Variants in ACTL7A observed in about 807,000 individuals in gnomAD.
ACTL7A encodes actin like 7A.
ACTL7A carries 27 observed loss-of-function variants against 30.3 expected under a neutral mutation model. The ratio of observed to expected loss-of-function variants is 0.89; its 90% CI spans 0.66 to 1.23. ACTL7A has a LOEUF of 1.23. ACTL7A is among the 50% of genes most tolerant of loss of function. ACTL7A has a pLI of 0.00. For synonymous variants in ACTL7A, 259 were observed against 241.4 expected, an observed-to-expected ratio of 1.07 and a Z score of -0.67; for missense variants, 566 against 571.8, an observed-to-expected ratio of 0.99 and a Z score of 0.10.
rs754567359 is a variant in ACTL7A, at chr9:108,862,769, C to G, written c.447C>G (p.Ile149Met). 1 of 1,614,080 alleles carries G rather than the reference C, an allele frequency of 6.2e-7. No homozygotes were observed. Among genetic ancestry groups the G allele is most frequent in the Non-Finnish European group, 8.5e-7 (1 of 1,180,050 alleles). Residue 149 changes from isoleucine (I) to methionine (M), a missense_variant, in exon 1 of 1, where the codon ATC becomes ATG. Physicochemically the swap from Ile to Met is conservative, Grantham distance 10. Coordinates refer to ENST00000333999, the MANE Select transcript of ACTL7A (RefSeq NM_006687.4). ...IIVDWDTVQD[I>M]WEYLFRQEMK... ...TGGACTGGGATACAGTGCAGGATAT[C>G]TGGGAATATCTCTTCCGACAAGAGA...
rs1827172729 is a variant in ACTL7A at position 108,862,299 on chromosome 9, AAG to A, written c.-21_-20del. 6.3e-7 allele frequency: 1 copy of A among 1,575,664 alleles called. No individual in the cohort carries two copies. The highest frequency in any genetic ancestry group is 1.4e-5 in the African/African-American group (1 of 73,264). On this transcript the variant is annotated 5_prime_UTR_variant, in exon 1 of 1. Transcript: ENST00000333999. ...AATCCAGTGGGATTGAGAACTTTCT[AAG>A]AGTGGTGCGGCTCTTGACAACATGT...
chr9:108,863,142 G>A lies in ACTL7A; in HGVS notation c.820G>A (p.Asp274Asn), dbSNP rs917330253. 1.2e-6 allele frequency: 2 copies of A among 1,614,032 alleles called. No individual in the cohort carries two copies. The highest frequency in any genetic ancestry group is 1.3e-5 in the African/African-American group (1 of 74,896). The change falls in exon 1 of 1, where the codon GAC (aspartate) becomes AAC (asparagine). Residue 274 changes from aspartate to asparagine, a missense_variant. Coordinates refer to ENST00000333999, the MANE Select transcript of ACTL7A (RefSeq NM_006687.4). The stretch of plus-strand genomic sequence containing the variant: ...CCAGGACCAGATGGGCATCGTGGAG[G>A]ACATCAAGAAGAAATGCTGCTTTGT... ...FTQDQMGIVE[D>N]IKKKCCFVAL...
In ACTL7A at chr9:108,862,758, G is replaced by C; in HGVS notation, c.436G>C (p.Val146Leu). The change falls in exon 1 of 1, where the codon GTG becomes CTG. Residue 146 changes from valine to leucine, a missense_variant. By Grantham distance (32) the Val-to-Leu change is conservative. Transcript: ENST00000333999. ...TGGCATCATCGTGGACTGGGATACA[G>C]TGCAGGATATCTGGGAATATCTCTT... ...RHGIIVDWDT[V>L]QDIWEYLFRQ... 1.2e-6 allele frequency: 2 copies of C among 1,614,210 alleles called. No individual in the cohort carries two copies. Among genetic ancestry groups the C allele is most frequent in the Admixed American group, 1.7e-5 (1 of 60,030 alleles).
chr9:108,862,518 CAGG>C lies in ACTL7A; in HGVS notation c.200_202del (p.Glu67del), dbSNP rs774482450. On this transcript the variant is annotated inframe_deletion, in exon 1 of 1. Transcript: ENST00000333999. Reference sequence around the variant, plus strand: ...AAAGGCAGCCAAGGAGAGGCCCAAGCAGGAGGTGACCAAAGCAGTGGTCGTGGA... The same window carrying C: ...AAAGGCAGCCAAGGAGAGGCCCAAGCAGGTGACCAAAGCAGTGGTCGTGGA... 6.1e-5 allele frequency: 99 copies of C among 1,614,160 alleles called. 1 individual carries two copies. In the South Asian group the frequency reaches 7.9e-4, roughly 13 times the overall value.
chr9:108,862,547 C>G lies in ACTL7A; in HGVS notation c.225C>G (p.Asp75Glu). Reference sequence around the variant, plus strand: ...AGGTGACCAAAGCAGTGGTCGTGGACCTGGGCACTGGCTACTGTAAATGTG... The same window carrying G: ...AGGTGACCAAAGCAGTGGTCGTGGAGCTGGGCACTGGCTACTGTAAATGTG... ...KQEVTKAVVV[D>E]LGTGYCKCGF... Residue 75 changes from aspartate (D) to glutamate (E), a missense_variant, in exon 1 of 1, where the codon GAC becomes GAG. By Grantham distance (45) the Asp-to-Glu change is conservative (BLOSUM62 2). Transcript: ENST00000333999. The G allele has an allele frequency of 6.2e-7, 1 of 1,614,150 alleles. No individual in the cohort carries two copies. Among genetic ancestry groups the G allele is most frequent in the Non-Finnish European group, 8.5e-7 (1 of 1,180,028 alleles).
In ACTL7A at chr9:108,863,689, T is replaced by C; in HGVS notation, c.*59T>C. The C allele has an allele frequency of 3.4e-6, 5 of 1,490,652 alleles. No individual in the cohort carries two copies. The highest frequency in any genetic ancestry group is 4.5e-6 in the Non-Finnish European group (5 of 1,101,982). The allele number at this position is 1,490,652 out of a possible 1,614,324, so 92.3% of individuals were successfully genotyped here. On this transcript the variant is annotated 3_prime_UTR_variant, in exon 1 of 1. Transcript: ENST00000333999. ...CCTACCCTCGACAGGGTGAGCGCACTCCTACACACAGGGGGTGGAGCCGGC... is the reference window on the plus strand; with the variant it reads ...CCTACCCTCGACAGGGTGAGCGCACCCCTACACACAGGGGGTGGAGCCGGC...
rs747753886 is a variant in ACTL7A, at chr9:108,863,068, T to A, written c.746T>A (p.Leu249Gln). The A allele has an allele frequency of 6.2e-6, 10 of 1,614,180 alleles. No homozygotes were observed. The South Asian group carries it at 9.9e-5, about 16-fold the overall frequency. The change falls in exon 1 of 1, where the codon CTG becomes CAG. Residue 249 changes from leucine (L) to glutamine (Q), a missense_variant. By Grantham distance (113) the Leu-to-Gln change is moderately radical. Transcript: ENST00000333999. ...TGRLDYAGSD[L>Q]TAYLLGLLNS... ...AGGCTGGACTACGCGGGCTCTGACC[T>A]GACAGCCTACCTGCTGGGCCTGCTG... is the stretch of plus-strand genomic sequence containing the variant.
Position 108,863,440 on chromosome 9 carries a change from G to C in ACTL7A, c.1118G>C (p.Arg373Pro). 6.2e-7 allele frequency: 1 copy of C among 1,614,164 alleles called. No homozygotes were observed. The highest frequency in any genetic ancestry group is 8.5e-7 in the Non-Finnish European group (1 of 1,180,028). Residue 373 changes from arginine (R) to proline (P), a missense_variant, in exon 1 of 1, where the codon CGT becomes CCT. Transcript: ENST00000333999. ...GSTMLSGFPN[R>P]LQKELSSMCP... ...ACGATGCTCAGTGGCTTCCCTAACCGTCTGCAGAAGGAGCTAAGCAGCATG... is the reference window on the plus strand; with the variant it reads ...ACGATGCTCAGTGGCTTCCCTAACCCTCTGCAGAAGGAGCTAAGCAGCATG...
rs771994683 is a variant in ACTL7A at position 108,863,226 on chromosome 9, G to A, written c.904G>A (p.Val302Met). The A allele has an allele frequency of 1.4e-5, 23 of 1,614,016 alleles. 1 individual carries two copies. The highest frequency in any genetic ancestry group is 4.4e-5 in the South Asian group (4 of 91,088). ...TCTCAGTGAGCATACGATCCGCTAC[G>A]TGCTGCCGGATGGGAAGGAGATTCA... ...VPLSEHTIRY[V>M]LPDGKEIQLC... The change falls in exon 1 of 1, where the codon GTG (valine) becomes ATG (methionine). Residue 302 changes from valine (V) to methionine (M), a missense_variant. Physicochemically the swap from Val to Met is conservative, Grantham distance 21. Transcript: ENST00000333999.
In ACTL7A at chr9:108,863,283, A is replaced by C; in HGVS notation, c.961A>C (p.Met321Leu). The change falls in exon 1 of 1, where the codon ATG becomes CTG. Residue 321 changes from methionine (M) to leucine (L), a missense_variant. Coordinates refer to ENST00000333999, the MANE Select transcript of ACTL7A (RefSeq NM_006687.4). ...CCAGGAACGGTTCCTCTGCTCGGAG[A>C]TGTTCTTCAAGCCATCTCTCATCAA... ...LCQERFLCSE[M>L]FFKPSLIKSM... 1 of 1,614,028 alleles carries C rather than the reference A, an allele frequency of 6.2e-7. No homozygotes were observed. The highest frequency in any genetic ancestry group is 8.5e-7 in the Non-Finnish European group (1 of 1,180,022).
In ACTL7A at chr9:108,863,231, G is replaced by A. The variant is rs1461917192; in HGVS notation, c.909G>A (p.Leu303=). The change falls in exon 1 of 1, where the codon CTG becomes CTA. Residue 303 remains leucine, a synonymous_variant. Coordinates refer to ENST00000333999, the MANE Select transcript of ACTL7A (RefSeq NM_006687.4). The part of the protein sequence containing the change: ...PLSEHTIRYV[L]PDGKEIQLCQ... ...GTGAGCATACGATCCGCTACGTGCT[G>A]CCGGATGGGAAGGAGATTCAGCTGT... is the stretch of plus-strand genomic sequence containing the variant. The A allele has an allele frequency of 1.2e-6, 2 of 1,614,156 alleles. No individual in the cohort carries two copies. The highest frequency in any genetic ancestry group is 1.7e-6 in the Non-Finnish European group (2 of 1,180,044).
rs1827198259 is a variant in ACTL7A, at chr9:108,863,319, C to G, written c.997C>G (p.Leu333Val). ...FKPSLIKSMQ[L>V]GLHTQTVSCL... ...GCCATCTCTCATCAAGTCCATGCAG[C>G]TGGGCCTCCACACCCAAACCGTGTC... The change falls in exon 1 of 1, where the codon CTG (leucine) becomes GTG (valine). Residue 333 changes from leucine (L) to valine (V), a missense_variant. Transcript: ENST00000333999. The G allele has an allele frequency of 6.2e-7, 1 of 1,614,194 alleles. No individual in the cohort carries two copies. Among genetic ancestry groups the G allele is most frequent in the Non-Finnish European group, 8.5e-7 (1 of 1,180,040 alleles).
At position 108,863,006 on chromosome 9, in the gene ACTL7A, C is replaced by A; in HGVS notation, c.684C>A (p.Pro228=). ...EVGHGVSYVV[P]IYEGYPLPSI... Reference sequence around the variant, plus strand: ...GCCATGGCGTGTCCTACGTGGTCCCCATCTACGAGGGTTATCCTTTGCCCA... The same window carrying A: ...GCCATGGCGTGTCCTACGTGGTCCCAATCTACGAGGGTTATCCTTTGCCCA... The change falls in exon 1 of 1, where the codon CCC becomes CCA. Residue 228 remains proline (P), a synonymous_variant. Coordinates refer to ENST00000333999, the MANE Select transcript of ACTL7A (RefSeq NM_006687.4). The A allele has an allele frequency of 6.2e-7, 1 of 1,612,540 alleles. No individual in the cohort carries two copies.
chr9:108,862,286 T>C lies in ACTL7A; in HGVS notation c.-37T>C, dbSNP rs781003916. ...CTTTCAGGCCTTGAATCCAGTGGGA[T>C]TGAGAACTTTCTAAGAGTGGTGCGG... On this transcript the variant is annotated 5_prime_UTR_variant, in exon 1 of 1. Transcript: ENST00000333999. The C allele has an allele frequency of 1.2e-5, 19 of 1,550,852 alleles. No individual in the cohort carries two copies. Among genetic ancestry groups the C allele is most frequent in the South Asian group, 6.1e-5 (5 of 81,678 alleles).
In ACTL7A at chr9:108,863,524, C is replaced by T. The variant is rs767000576; in HGVS notation, c.1202C>T (p.Thr401Ile). ...CCTGAAAGAGACAGTGCCGTGTGGACCGGTGGCTCCATCCTGGCCTCACTT... is the reference window on the plus strand; with the variant it reads ...CCTGAAAGAGACAGTGCCGTGTGGATCGGTGGCTCCATCCTGGCCTCACTT... ...VLPERDSAVW[T>I]GGSILASLQG... The change falls in exon 1 of 1, where the codon ACC (threonine) becomes ATC (isoleucine). Residue 401 changes from threonine to isoleucine, a missense_variant. Coordinates refer to ENST00000333999, the MANE Select transcript of ACTL7A (RefSeq NM_006687.4). 1 of 1,613,814 alleles carries T rather than the reference C, an allele frequency of 6.2e-7. No individual in the cohort carries two copies.
At position 108,863,579 on chromosome 9, in the gene ACTL7A, C is replaced by CT; in HGVS notation, c.1260dup (p.Glu421Ter). The CT allele has an allele frequency of 6.2e-7, 1 of 1,613,962 alleles. No individual in the cohort carries two copies. ...GTTTCCAACCATTGTGGGTCCACCGCTTTGAGTACGAGGAACACGGGCCTT... is the reference window on the plus strand; with the variant it reads ...GTTTCCAACCATTGTGGGTCCACCGCTTTTGAGTACGAGGAACACGGGCCTT... On this transcript the variant is annotated frameshift_variant, in exon 1 of 1. Transcript: ENST00000333999. LOFTEE classifies it high-confidence loss of function.
rs751946245 is a variant in ACTL7A, at chr9:108,862,768, T to C, written c.446T>C (p.Ile149Thr). The C allele has an allele frequency of 3.7e-6, 6 of 1,614,048 alleles. No individual in the cohort carries two copies. The highest frequency in any genetic ancestry group is 5.1e-6 in the Non-Finnish European group (6 of 1,180,042). ...IIVDWDTVQDIWEYLFRQEMK... is the reference protein window; with the variant it reads ...IIVDWDTVQDTWEYLFRQEMK... ...GTGGACTGGGATACAGTGCAGGATA[T>C]CTGGGAATATCTCTTCCGACAAGAG... Residue 149 changes from isoleucine (I) to threonine (T), a missense_variant, in exon 1 of 1, where the codon ATC becomes ACC. Transcript: ENST00000333999.
At position 108,863,741 on chromosome 9, in the gene ACTL7A, C is replaced by T; in HGVS notation, c.*111C>T. 1 of 956,712 alleles carries T rather than the reference C, an allele frequency of 1.0e-6. No individual in the cohort carries two copies. Among genetic ancestry groups the T allele is most frequent in the African/African-American group, 1.6e-5 (1 of 60,898 alleles). 59.3% of individuals were successfully genotyped at this position (956,712 alleles called of 1,614,324 possible). A position where few individuals can be genotyped will look rare whatever the true frequency, so the allele number is the denominator to read the frequency against. ...CTTATTCCTGTAGCATTAAACACCC[C>T]TCATATGCCCCTCCACAGTGTGTTT... On this transcript the variant is annotated 3_prime_UTR_variant, in exon 1 of 1. Transcript: ENST00000333999.
Position 108,862,417 on chromosome 9 carries a change from C to T in ACTL7A, c.95C>T (p.Ser32Phe). Residue 32 changes from serine (S) to phenylalanine (F), a missense_variant, in exon 1 of 1, where the codon TCT becomes TTT. Coordinates refer to ENST00000333999, the MANE Select transcript of ACTL7A (RefSeq NM_006687.4). Reference sequence around the variant, plus strand: ...CAGACACAGGCCCTCCAGACTGCCTCTTTAAGGGATGGCCCGGCGAAGCGG... The same window carrying T: ...CAGACACAGGCCCTCCAGACTGCCTTTTTAAGGGATGGCCCGGCGAAGCGG... ...PLQTQALQTASLRDGPAKRAV... is the reference protein window; with the variant it reads ...PLQTQALQTAFLRDGPAKRAV... The T allele has an allele frequency of 1.2e-6, 2 of 1,614,102 alleles. No homozygotes were observed. The highest frequency in any genetic ancestry group is 1.7e-5 in the Admixed American group (1 of 60,026).
Sources: allele counts gnomAD v4.1 joint callset, GRCh38; gene constraint gnomAD v4.1.1; transcripts MANE v1.5; gene names NCBI Gene and HGNC (gene_info 2026-07-23, HGNC 2026-07-21).